The following GPHN variants were observed in gnomAD, a reference collection of about 807,000 sequenced individuals.
The protein encoded by GPHN is gephyrin.
Under a neutral mutation model 95.5 loss-of-function variants are expected in GPHN, and 17 were observed. The observed-to-expected ratio is 0.18, with a 90% CI of 0.12 to 0.27. GPHN has a LOEUF of 0.27. GPHN is among the 10% of genes least tolerant of loss of function. The pLI, the probability that GPHN is intolerant of heterozygous loss-of-function variation, is 1.00. For synonymous variants in GPHN, 320 were observed against 322.5 expected, an observed-to-expected ratio of 0.99 and a Z score of 0.08; for missense variants, 660 against 978.1, an observed-to-expected ratio of 0.67 and a Z score of 4.34.
At chr14:66,842,722 C>T (rs1317989668) in intron 4 of GPHN, 2 of 1,523,044 alleles carry the variant, frequency 1.3e-6, no homozygotes, top group Non-Finnish European at 1.8e-6. Flanking sequence ...AAGGGGTAAG[C>T]GAAGACTTCA....
At chr14:67,662,580 A>C in the GPHN span, 5 of 1,542,636 alleles carry the variant, frequency 3.2e-6, no homozygotes, top group Non-Finnish European at 3.6e-6. Context: ...CTGTTTCCAC[A>C]CATTTGTAAA....
chr14:66,942,439 C>T (rs555614389), intron 8 of GPHN, among the ~76,000 whole-genome samples: 2 of 152,132 alleles, frequency 1.3e-5, no homozygotes, highest in Admixed American at 1.3e-4. Context: ...TTGAGAGCAC[C>T]TGTTAGAGTC....
At chr14:66,886,244 G>A (rs911436828) in intron 5 of GPHN, among the ~76,000 whole-genome samples, 3 of 152,176 alleles carry the variant, frequency 2.0e-5, no homozygotes, top group Non-Finnish European at 4.4e-5. Context: ...TCTCTCCACT[G>A]TATGCAGGAG....
intron 3 of GPHN, among the ~76,000 whole-genome samples, chr14:66,806,646 A>T (rs189354614): frequency 6.6e-6 from 1 of 152,296 alleles, no homozygotes; most frequent in African/African-American, 2.4e-5. Flanking sequence ...AAAGTTATTG[A>T]ACTCTCTAGG....
At chr14:66,932,067 T>C (rs945057434) in intron 8 of GPHN, among the ~76,000 whole-genome samples, 4 of 152,218 alleles carry the variant, frequency 2.6e-5, no homozygotes, top group Non-Finnish European at 5.9e-5. Flanking sequence ...ATATGTGCAT[T>C]AGGGGGCACC....
the GPHN span, chr14:67,648,003 GTTAAGTATTATT>G: frequency 6.8e-5 from 104 of 1,532,370 alleles, no homozygotes; most frequent in Admixed American, 5.8e-4. Context: ...AGGACAACCA[GTTAAGTATTATT>G]TTAAGTATTA....
chr14:67,010,568 AAG>A (rs2072930809), intron 9 of GPHN, among the ~76,000 whole-genome samples: 1 of 151,490 alleles, frequency 6.6e-6, no homozygotes. Context: ...AAAAAAAAAA[AAG>A]AAAGAAAAAA....
chr14:66,604,550 T>G (rs1019170571), intron 1 of GPHN, among the ~76,000 whole-genome samples: 4 of 152,112 alleles, frequency 2.6e-5, no homozygotes, highest in African/African-American at 7.2e-5. Context: ...ACTTGTAAGT[T>G]CCTCTTTTTA....
chr14:66,611,579 A>G (rs1019410853), intron 1 of GPHN, among the ~76,000 whole-genome samples: 1 of 152,166 alleles, frequency 6.6e-6, no homozygotes, highest in Non-Finnish European at 1.5e-5. Context: ...CTAGTTGTAA[A>G]TCAGCACTTC....
chr14:66,954,955 G>A (rs963602438), intron 8 of GPHN, among the ~76,000 whole-genome samples: 12 of 152,010 alleles, frequency 7.9e-5, no homozygotes, highest in African/African-American at 2.9e-4. Context: ...TACATTTTTG[G>A]AATAAATCTC....
rs187450352 is a variant in GPHN, at chr14:66,661,515, G to T, written c.65-19592G>T. Among the ~76,000 whole-genome samples, 740 of 152,280 alleles carry T rather than the reference G, an allele frequency of 4.9e-3. 6 individuals carry two copies. The highest frequency in any genetic ancestry group is 0.017 in the African/African-American group (696 of 41,564). Reference sequence around the variant, plus strand: ...TTTGGGACTGAGTGCCTGCGGGGAGGGGCAGGCTACCATCTCTGCTGTTTG... The same window carrying T: ...TTTGGGACTGAGTGCCTGCGGGGAGTGGCAGGCTACCATCTCTGCTGTTTG... On this transcript the variant is annotated intron_variant, in intron 1 of 22. Transcript: ENST00000478722.
At chr14:67,458,339 A>AC in the GPHN span, among the ~76,000 whole-genome samples, 1 of 151,882 alleles carries the variant, frequency 6.6e-6, no homozygotes, top group African/African-American at 2.4e-5. Context: ...ACTCATAATA[A>AC]CCCCTGCCAA....
intron 18 of GPHN, among the ~76,000 whole-genome samples, chr14:67,157,813 G>A (rs944766048): frequency 5.3e-5 from 8 of 150,126 alleles, no homozygotes; most frequent in Non-Finnish European, 1.2e-4. Context: ...GGGTGACAGA[G>A]AGAGACCCCG....
At chr14:67,427,370 G>A in the GPHN span, among the ~76,000 whole-genome samples, 1 of 152,214 alleles carries the variant, frequency 6.6e-6, no homozygotes. Flanking sequence ...GTCTACAAAC[G>A]GAGAGGGTAT....
the GPHN span, among the ~76,000 whole-genome samples, chr14:67,282,407 C>G: frequency 5.9e-5 from 9 of 152,090 alleles, no homozygotes; most frequent in Non-Finnish European, 2.9e-5. Flanking sequence ...AGGAAGCCTT[C>G]AGTTTCTAAA....
chr14:66,806,625 C>G (rs1332865634), intron 3 of GPHN, among the ~76,000 whole-genome samples: 1 of 152,184 alleles, frequency 6.6e-6, no homozygotes, highest in Non-Finnish European at 1.5e-5. Flanking sequence ...TAAATCATCT[C>G]TCTCAAGTTC....
rs72715376 is a variant in GPHN, at chr14:67,111,262, A to C, written c.1414-599A>C. Among the ~76,000 whole-genome samples, 16 of 152,302 alleles carry C rather than the reference A, an allele frequency of 1.1e-4. No individual in the cohort carries two copies. In the East Asian group the frequency reaches 3.1e-3, roughly 29 times the overall value. ...TTTATTGGCATCAGGGAAGCCAGCA[A>C]AGCACTGAATTCCAGAACACATACA... On this transcript the variant is annotated intron_variant, in intron 14 of 22. Coordinates refer to ENST00000478722, the MANE Select transcript of GPHN (RefSeq NM_020806.5).
chr14:66,519,218 T>C (rs1000414384), intron 1 of GPHN, among the ~76,000 whole-genome samples: 14 of 152,022 alleles, frequency 9.2e-5, no homozygotes, highest in Admixed American at 7.2e-4. Context: ...TATTTATGTG[T>C]TATAAAGAAT....
At chr14:66,769,899 T>C (rs2059104721) in intron 2 of GPHN, among the ~76,000 whole-genome samples, 1 of 152,162 alleles carries the variant, frequency 6.6e-6, no homozygotes, top group South Asian at 2.1e-4. Context: ...TTTGAGGAAT[T>C]GCCACGGTGC....
Sources: gnomAD v4.1 joint callset for allele counts (sites outside exome capture counted in the v4.1 genomes callset) on GRCh38, gnomAD v4.1.1 for gene constraint, MANE v1.5 for transcripts, NCBI Gene and HGNC (gene_info 2026-07-23, HGNC 2026-07-21) for gene names.